The following RP1 variants were observed in gnomAD, a reference collection of about 807,000 sequenced individuals.
The protein encoded by RP1 is oxygen-regulated protein 1.
Under a neutral mutation model 14.8 loss-of-function variants are expected in RP1, and 16 were observed. The observed-to-expected ratio is 1.08, with a 90% CI of 0.73 to 1.65. The LOEUF (loss-of-function observed/expected upper bound fraction) is 1.65, where lower values mean the gene tolerates loss of function less well. Among genes scored for constraint, RP1 ranks in the 40% most tolerant of loss-of-function variants. The pLI, the probability that RP1 is intolerant of heterozygous loss-of-function variation, is 0.00. For synonymous variants in RP1, 876 were observed against 883.6 expected, an observed-to-expected ratio of 0.99 and a Z score of 0.15; for missense variants, 2,631 against 2,535.0, an observed-to-expected ratio of 1.04 and a Z score of -0.81.
At chr8:54,608,607 G>A (rs1002411202) in intron 1 of RP1, among the ~76,000 whole-genome samples, 4 of 152,138 alleles carry the variant, frequency 2.6e-5, no homozygotes, top group Non-Finnish European at 4.4e-5. Context: ...GGGGATGGAC[G>A]ATATTGCAGC....
chr8:54,780,993 A>G, intron 23 of RP1: 3 of 980,322 alleles, frequency 3.1e-6, no homozygotes, highest in Non-Finnish European at 3.6e-6. Context: ...GAATTTATTA[A>G]GGAATATTTG....
chr8:54,575,447 T>C (rs948789810), intron 1 of RP1, among the ~76,000 whole-genome samples: 2 of 152,186 alleles, frequency 1.3e-5, no homozygotes, highest in African/African-American at 4.8e-5. Flanking sequence ...ATGGGGTACA[T>C]ATGTTTTGAT....
intron 24 of RP1, among the ~76,000 whole-genome samples, chr8:54,804,800 A>T (rs1418745676): frequency 6.6e-6 from 1 of 152,176 alleles, no homozygotes; most frequent in East Asian, 1.9e-4. Context: ...TTAATATATG[A>T]CTCTTAATTC....
intron 23 of RP1, among the ~76,000 whole-genome samples, chr8:54,778,030 C>T (rs1002331205): frequency 2.6e-5 from 4 of 152,128 alleles, no homozygotes; most frequent in Non-Finnish European, 4.4e-5. Flanking sequence ...TACAGGTAGC[C>T]ATGCTTTTCA....
At chr8:54,732,554 A>G (rs1205604276) in intron 17 of RP1, among the ~76,000 whole-genome samples, 2 of 152,172 alleles carry the variant, frequency 1.3e-5, no homozygotes, top group Non-Finnish European at 2.9e-5. Context: ...ATTCTTTTAG[A>G]TGAATAAGAT....
intron 23 of RP1, among the ~76,000 whole-genome samples, chr8:54,777,138 A>T (rs940013821): frequency 1.3e-5 from 2 of 152,242 alleles, no homozygotes; most frequent in African/African-American, 2.4e-5. Context: ...TGAGAATTAA[A>T]TAATATCCAT....
chr8:54,710,699 A>G (rs1487823560), intron 15 of RP1, among the ~76,000 whole-genome samples: 1 of 152,046 alleles, frequency 6.6e-6, no homozygotes, highest in African/African-American at 2.4e-5. Context: ...AGGGCAGGTC[A>G]CTCTACCCTG....
At chr8:54,818,101 G>A (rs1298635377) in intron 24 of RP1, among the ~76,000 whole-genome samples, 1 of 152,208 alleles carries the variant, frequency 6.6e-6, no homozygotes, top group Non-Finnish European at 1.5e-5. Context: ...CAAATATGCA[G>A]TATGTTAACA....
Position 54,630,529 on chromosome 8 carries a change from GTTT to G in RP1, c.*179_*181del, listed in dbSNP as rs140712625. ...GACTTTCATAATGTCTCTGTTTTTT[GTTT>G]TTCCAACAATTACAGACTCAGGTTC... On this transcript the variant is annotated 3_prime_UTR_variant, in exon 4 of 4. Transcript: ENST00000220676. 1,202 of 1,369,248 alleles carry G rather than the reference GTTT, an allele frequency of 8.8e-4. 2 individuals carry two copies. The highest frequency in any genetic ancestry group is 1.1e-3 in the Non-Finnish European group (1,162 of 1,064,430). 84.8% of individuals were successfully genotyped at this position (1,369,248 alleles called of 1,614,324 possible). A position where few individuals can be genotyped will look rare whatever the true frequency, so the allele number is the denominator to read the frequency against.
chr8:54,813,072 G>A (rs765790375), intron 24 of RP1, among the ~76,000 whole-genome samples: 5 of 152,182 alleles, frequency 3.3e-5, no homozygotes, highest in Non-Finnish European at 5.9e-5. Context: ...AGGTGTTAAC[G>A]GGAACCCAGT....
At chr8:54,636,978 T>A (rs58198346) in intron 3 of RP1, among the ~76,000 whole-genome samples, 3,686 of 152,298 alleles carry the variant, frequency 0.024, 161 homozygotes, top group African/African-American at 0.083. Flanking sequence ...CTTTGCTTAC[T>A]TTCTCCCTGT....
At chr8:54,867,452 T>G (rs563912956) in intron 28 of RP1, among the ~76,000 whole-genome samples, 2 of 152,234 alleles carry the variant, frequency 1.3e-5, no homozygotes, top group South Asian at 4.1e-4. Flanking sequence ...AAGATTGAAG[T>G]TTTTTAGCAC....
rs141312043 is a variant in RP1 at position 54,697,395 on chromosome 8, A to G, written c.1718-2072A>G. Among the ~76,000 whole-genome samples the G allele has an allele frequency of 6.0e-3, 920 of 152,206 alleles. 5 individuals carry two copies. Among genetic ancestry groups the G allele is most frequent in the African/African-American group, 0.019 (784 of 41,526 alleles). On this transcript the variant is annotated intron_variant, in intron 12 of 22. Transcript: ENST00000636932. ...CATGGAGAAACCCCGTCTCTACGAA[A>G]AATACAAAAATTAGCTGGGCATGGT...
intron 17 of RP1, among the ~76,000 whole-genome samples, chr8:54,729,787 C>A (rs565851481): frequency 6.6e-6 from 1 of 151,994 alleles, no homozygotes; most frequent in Non-Finnish European, 1.5e-5. Flanking sequence ...GTTGACGTAG[C>A]ATAACATATT....
intron 15 of RP1, among the ~76,000 whole-genome samples, chr8:54,707,575 T>C (rs1401629683): frequency 1.3e-5 from 2 of 152,240 alleles, no homozygotes; most frequent in Non-Finnish European, 2.9e-5. Flanking sequence ...CTATTATTGT[T>C]TAAAATAGTT....
rs369521778 is a variant in RP1, at chr8:54,849,864, A to G, written c.3836-2710A>G. ...AGTTAAAATGGTAATAAATAATAAA[A>G]AAATAAAGATGAGAGTGTTGAAGAT... On this transcript the variant is annotated intron_variant, in intron 25 of 28. Coordinates refer to the RP1 transcript ENST00000637698. Among the ~76,000 whole-genome samples the G allele has an allele frequency of 3.0e-4, 45 of 152,332 alleles. No homozygotes were observed. In the East Asian group the frequency reaches 3.3e-3, roughly 11 times the overall value.
intron 27 of RP1, among the ~76,000 whole-genome samples, chr8:54,858,488 T>TACTGCAGAGTGATGTC (rs1812259090): frequency 6.6e-6 from 1 of 151,944 alleles, no homozygotes; most frequent in Non-Finnish European, 1.5e-5. Context: ...AGAGTGATGT[T>TACTGCAGAGTGATGTC]ACTGCAGAGT....
At chr8:54,692,984 T>G (rs1409111515) in intron 12 of RP1, among the ~76,000 whole-genome samples, 1 of 152,178 alleles carries the variant, frequency 6.6e-6, no homozygotes, top group East Asian at 1.9e-4. Context: ...CATCTTGAAT[T>G]AATTTTTGTA....
At chr8:54,774,477 G>T (rs1009941507), downstream of RP1, among the ~76,000 whole-genome samples, 2 of 152,166 alleles carry the variant, frequency 1.3e-5, no homozygotes, top group Admixed American at 1.3e-4. Context: ...GAGCCAAGAG[G>T]AATTCTCCCA....
Sources: allele counts gnomAD v4.1 joint callset (sites outside exome capture counted in the v4.1 genomes callset), GRCh38; gene constraint gnomAD v4.1.1; transcripts MANE v1.5; gene names NCBI Gene and HGNC (gene_info 2026-07-23, HGNC 2026-07-21).